Variants in PFKFB4 observed in about 807,000 individuals in gnomAD.
PFKFB4 encodes the protein 6-phosphofructo-2-kinase/fructose-2,6-bisphosphatase 4.
PFKFB4 carries 42 observed loss-of-function variants against 62.8 expected under a neutral mutation model. The observed-to-expected ratio is 0.67, with a 90% CI of 0.52 to 0.86. PFKFB4 has a LOEUF of 0.86. Ranked by LOEUF, PFKFB4 falls within the 40% of genes least tolerant of loss-of-function variation. PFKFB4 has a pLI of 0.00. For synonymous variants in PFKFB4, 204 were observed against 240.7 expected (o/e 0.85, Z 1.41); for missense variants, 475 against 627.2 (o/e 0.76, Z 2.59).
At chr3:48,557,542 C>T (rs1260390662), upstream of PFKFB4, among the ~76,000 whole-genome samples, 3 of 147,730 alleles carry the variant, frequency 2.0e-5, no homozygotes, top group Admixed American at 6.8e-5. Flanking sequence ...ATGCGTGGGA[C>T]TTTTTTTTTT....
At chr3:48,560,813 C>T (rs1400164909), upstream of PFKFB4, among the ~76,000 whole-genome samples, 2 of 152,182 alleles carry the variant, frequency 1.3e-5, no homozygotes, top group African/African-American at 2.4e-5. Context: ...CGCCAGCTGG[C>T]GGTCCCTCCC....
rs145114734 is a variant in PFKFB4, at chr3:48,554,576, C to A, written c.97+2105G>T. On this transcript the variant is annotated intron_variant, in intron 1 of 13. Transcript: ENST00000232375. Reference sequence around the variant, plus strand: ...TCCACACTTAGAGCCTGGAGAAACACAAGCCCTGCCTCAGGAGCTATGAGA... The same window carrying A: ...TCCACACTTAGAGCCTGGAGAAACAAAAGCCCTGCCTCAGGAGCTATGAGA... Among the ~76,000 whole-genome samples the A allele has an allele frequency of 9.2e-5, 14 of 152,356 alleles. No homozygotes were observed. The East Asian group carries it at 2.7e-3, about 29-fold the overall frequency.
At chr3:48,554,344 G>A (rs997521774) in intron 1 of PFKFB4, among the ~76,000 whole-genome samples, 3 of 152,208 alleles carry the variant, frequency 2.0e-5, no homozygotes, top group African/African-American at 7.2e-5. Context: ...GCATGGGCGG[G>A]TTCCATGTTC....
chr3:48,530,949 C>T (rs1267232114), intron 9 of PFKFB4, among the ~76,000 whole-genome samples: 6 of 152,148 alleles, frequency 3.9e-5, no homozygotes, highest in African/African-American at 1.4e-4. Flanking sequence ...TCAAGTGATC[C>T]ACCCACCTCA....
intron 1 of PFKFB4, among the ~76,000 whole-genome samples, chr3:48,554,691 G>A (rs921362870): frequency 5.3e-5 from 8 of 152,218 alleles, no homozygotes; most frequent in African/African-American, 1.9e-4. Flanking sequence ...GTAGTGAGAA[G>A]CAAAGAAAGA....
Position 48,556,028 on chromosome 3 carries a change from C to T in PFKFB4, c.97+653G>A. On this transcript the variant is annotated intron_variant, in intron 1 of 13. Coordinates refer to ENST00000232375, the MANE Select transcript of PFKFB4 (RefSeq NM_004567.4). The surrounding 1 kb of genome is among the most constrained non-coding windows in gnomAD (Gnocchi z 5.7). ...ACAATTCCATGAATTTCAGCATTCT[C>T]CTAGCTGTTTCACTCTCCAGTTTTA... is the stretch of plus-strand genomic sequence containing the variant. The T allele has an allele frequency of 4.5e-6, 2 of 448,038 alleles. No homozygotes were observed. Among genetic ancestry groups the T allele is most frequent in the Admixed American group, 4.7e-5 (2 of 42,240 alleles). The allele number at this position is 448,038 out of a possible 1,614,324, so 27.8% of individuals were successfully genotyped here.
intron 9 of PFKFB4, among the ~76,000 whole-genome samples, chr3:48,529,366 T>C (rs146065318): frequency 6.6e-6 from 1 of 152,236 alleles, no homozygotes; most frequent in African/African-American, 2.4e-5. Flanking sequence ...TATCAGAAGA[T>C]AAACATGGAA....
Position 48,521,703 on chromosome 3 carries a change from C to T in PFKFB4, c.1350+283G>A, listed in dbSNP as rs1255247050. ...GTTGCTGCTTGGGAGCCCTGTGGCT[C>T]CTCAAGTCCTGGGGCTCCAACCACA... On this transcript the variant is annotated intron_variant, in intron 13 of 13. Coordinates refer to ENST00000232375, the MANE Select transcript of PFKFB4 (RefSeq NM_004567.4). The surrounding 1 kb of genome is among the most constrained non-coding windows in gnomAD (Gnocchi z 5.3). 1.3e-5 allele frequency among the ~76,000 whole-genome samples: 2 copies of T among 152,174 alleles called. No homozygotes were observed. The highest frequency in any genetic ancestry group is 2.9e-5 in the Non-Finnish European group (2 of 68,032).
At chr3:48,551,824 C>A (rs909296124) in intron 1 of PFKFB4, among the ~76,000 whole-genome samples, 2 of 152,070 alleles carry the variant, frequency 1.3e-5, no homozygotes, top group Non-Finnish European at 2.9e-5. Context: ...GGATTACAGG[C>A]GTGAGCCCAG....
At chr3:48,561,201 A>G, upstream of PFKFB4, 1 of 668,426 alleles carries the variant, frequency 1.5e-6, no homozygotes, top group Non-Finnish European at 2.1e-6. This position sits in a 1 kb window ranked among gnomAD's most constrained non-coding sequence, Gnocchi z 5.2. Context: ...GAGAGAAGCG[A>G]CTCCTGCGGC....
At position 48,525,550 on chromosome 3, in the gene PFKFB4, C is replaced by T. The variant is rs754749268; in HGVS notation, c.1092+15G>A. ...GGCAGTAGGTGGCTGGGACTAAGCC[C>T]CAAATCCCACCTACCTCCCCTTTAG... On this transcript the variant is annotated intron_variant, in intron 10 of 13. Transcript: ENST00000232375. The T allele has an allele frequency of 1.3e-6, 2 of 1,487,230 alleles. No homozygotes were observed. Among genetic ancestry groups the T allele is most frequent in the Admixed American group, 3.6e-5 (2 of 54,826 alleles). 92.1% of individuals were successfully genotyped at this position (1,487,230 alleles called of 1,614,324 possible). A position where few individuals can be genotyped will look rare whatever the true frequency, so the allele number is the denominator to read the frequency against.
chr3:48,536,240 G>T lies in PFKFB4; in HGVS notation c.840+16C>A, dbSNP rs776219117. The T allele has an allele frequency of 6.2e-7, 1 of 1,607,622 alleles. No individual in the cohort carries two copies. The highest frequency in any genetic ancestry group is 8.5e-7 in the Non-Finnish European group (1 of 1,175,782). ...AATGCAGGCCCGTGTGCGCACGCAG[G>T]GACACATGCACTGACCTCCCTGCCC... On this transcript the variant is annotated intron_variant, in intron 8 of 13. Transcript: ENST00000232375.
At chr3:48,533,168 G>A (rs1223641216) in intron 9 of PFKFB4, among the ~76,000 whole-genome samples, 2 of 152,092 alleles carry the variant, frequency 1.3e-5, no homozygotes, top group Non-Finnish European at 2.9e-5. Context: ...TCCCACCTCA[G>A]CCTCCCAAGT....
chr3:48,553,234 G>A (rs2107599252), intron 1 of PFKFB4, among the ~76,000 whole-genome samples: 1 of 152,340 alleles, frequency 6.6e-6, no homozygotes, highest in African/African-American at 2.4e-5. Context: ...AGCACTTTGG[G>A]AGGCCGAGGC....
intron 7 of PFKFB4, among the ~76,000 whole-genome samples, chr3:48,537,672 G>A (rs749094970): frequency 4.6e-5 from 7 of 151,644 alleles, no homozygotes; most frequent in Admixed American, 2.6e-4. Context: ...CTACAGCCAT[G>A]CGCCACCACA....
chr3:48,519,761 G>A lies in PFKFB4; in HGVS notation c.1396C>T (p.Pro466Ser). ...RPPEEALVTV[P>S]AHQ ...GATGAACATGGTCACTGGTGAGCAG[G>A]CACCGTGACAAGGGCTTCCTCTGGA... Residue 466 changes from proline to serine, a missense_variant, in exon 14 of 14, where the codon CCT becomes TCT. Pro to Ser is a moderately conservative substitution (Grantham distance 74). Transcript: ENST00000232375. 1 of 1,613,038 alleles carries A rather than the reference G, an allele frequency of 6.2e-7. No homozygotes were observed. The highest frequency in any genetic ancestry group is 2.2e-5 in the East Asian group (1 of 44,884).
At chr3:48,561,692 C>G (rs986961403), upstream of PFKFB4, 4 of 150,850 alleles carry the variant, frequency 2.7e-5, no homozygotes, top group Admixed American at 6.6e-5. This position sits in a 1 kb window ranked among gnomAD's most constrained non-coding sequence, Gnocchi z 5.2. Flanking sequence ...ACCTCCATGT[C>G]TGCTACATAC....
intron 1 of PFKFB4, among the ~76,000 whole-genome samples, chr3:48,550,776 G>A (rs2043118063): frequency 6.6e-6 from 1 of 152,152 alleles, no homozygotes; most frequent in African/African-American, 2.4e-5. Context: ...CTTTCCCCAA[G>A]GCATCTCCAT....
chr3:48,558,270 C>G (rs910644090), upstream of PFKFB4, among the ~76,000 whole-genome samples: 4 of 152,192 alleles, frequency 2.6e-5, no homozygotes, highest in Admixed American at 2.6e-4. Context: ...CCAGCCCCGC[C>G]TCTCCAAGCT....
Sources: allele counts gnomAD v4.1 joint callset (sites outside exome capture counted in the v4.1 genomes callset), GRCh38; gene constraint gnomAD v4.1.1; non-coding constraint Gnocchi (gnomAD v3.1); transcripts MANE v1.5; gene names NCBI Gene and HGNC (gene_info 2026-07-23, HGNC 2026-07-21).